Variants in CEP112 observed in about 807,000 individuals in gnomAD.
The protein encoded by CEP112 is centrosomal protein 112.
Under a neutral mutation model 153.0 loss-of-function variants are expected in CEP112, and 127 were observed. That is an observed-to-expected ratio of 0.83 (90% CI 0.72 to 0.96). The LOEUF is 0.96. CEP112 is among the 40% of genes least tolerant of loss of function. The pLI, the probability that CEP112 is intolerant of heterozygous loss-of-function variation, is 0.00. For missense variants in CEP112, 1,089 were observed against 1,101.2 expected, an observed-to-expected ratio of 0.99 and a Z score of 0.16; for synonymous variants, 358 against 374.4, an observed-to-expected ratio of 0.96 and a Z score of 0.51.
intron 1 of CEP112, among the ~76,000 whole-genome samples, chr17:66,190,381 T>G (rs1409955781): frequency 1.3e-5 from 2 of 152,120 alleles, no homozygotes; most frequent in South Asian, 4.1e-4. Context: ...AAATTGTATC[T>G]AAGTTCCAAC....
intron 4 of CEP112, among the ~76,000 whole-genome samples, chr17:66,161,322 C>G (rs1181745966): frequency 6.6e-6 from 1 of 152,130 alleles, no homozygotes; most frequent in Non-Finnish European, 1.5e-5. Flanking sequence ...ACCTAGTAAT[C>G]TCATTACTGG....
intron 2 of CEP112, 110 bp downstream of exon 2, chr17:66,183,084 G>A: frequency 2.8e-6 from 2 of 712,764 alleles, no homozygotes; most frequent in South Asian, 4.4e-5. Context: ...GGCAAAAATT[G>A]TTACTAGAGA....
At chr17:66,018,033 A>G (rs373294634) in intron 16 of CEP112, among the ~76,000 whole-genome samples, 3 of 152,152 alleles carry the variant, frequency 2.0e-5, no homozygotes, top group Non-Finnish European at 2.9e-5. Context: ...TTGTACCTAA[A>G]AGAAAATTAA....
chr17:65,888,321 C>G (rs2059353832), intron 20 of CEP112, among the ~76,000 whole-genome samples: 1 of 152,186 alleles, frequency 6.6e-6, no homozygotes, highest in Admixed American at 6.5e-5. Flanking sequence ...TAGCCTTTAT[C>G]CTACTTATCA....
At chr17:65,792,634 T>TTAGA (rs1277414725) in intron 21 of CEP112, among the ~76,000 whole-genome samples, 3 of 151,882 alleles carry the variant, frequency 2.0e-5, no homozygotes. Flanking sequence ...AAAGCAGAGA[T>TTAGA]TAGATAATTA....
intron 20 of CEP112, among the ~76,000 whole-genome samples, chr17:65,881,015 G>A (rs569120415): frequency 3.1e-4 from 47 of 152,160 alleles, no homozygotes; most frequent in Non-Finnish European, 5.3e-4. Context: ...AGGAGATCCA[G>A]ACCATCCTGG....
At chr17:65,969,917 C>A (rs559708296) in intron 17 of CEP112, among the ~76,000 whole-genome samples, 5 of 150,640 alleles carry the variant, frequency 3.3e-5, no homozygotes, top group African/African-American at 1.2e-4. Context: ...ATATTACATG[C>A]ATATCACATG....
At chr17:66,016,309 A>G (rs532414030) in intron 16 of CEP112, among the ~76,000 whole-genome samples, 1 of 152,164 alleles carries the variant, frequency 6.6e-6, no homozygotes, top group Non-Finnish European at 1.5e-5. Flanking sequence ...ATTCTTGAAC[A>G]CCGTACACCA....
intron 4 of CEP112, among the ~76,000 whole-genome samples, chr17:66,144,187 AACC>A (rs1330283906): frequency 2.0e-5 from 3 of 152,228 alleles, no homozygotes; most frequent in African/African-American, 7.2e-5. Context: ...ACACCTGTGT[AACC>A]ACAATAAATA....
At chr17:66,157,236 A>G (rs1470694910) in intron 4 of CEP112, among the ~76,000 whole-genome samples, 2 of 152,230 alleles carry the variant, frequency 1.3e-5, no homozygotes, top group Non-Finnish European at 2.9e-5. Context: ...ACATTCTTAA[A>G]GAAAAGAATT....
chr17:65,758,081 G>A (rs900105953), intron 21 of CEP112, among the ~76,000 whole-genome samples: 1 of 152,122 alleles, frequency 6.6e-6, no homozygotes, highest in Non-Finnish European at 1.5e-5. Context: ...GGATCCCTCA[G>A]CATCGCAAGT....
chr17:66,132,850 T>C (rs2070254815), intron 4 of CEP112, 87 bp from the exon 5 acceptor site: 1 of 906,444 alleles, frequency 1.1e-6, no homozygotes, highest in African/African-American at 1.6e-5. Flanking sequence ...TTCTTTCCCT[T>C]GGAACTGAGA....
At chr17:66,066,928 G>A in intron 9 of CEP112, 51 bp from the exon 10 acceptor site, 1 of 1,176,394 alleles carries the variant, frequency 8.5e-7, no homozygotes, top group Non-Finnish European at 1.1e-6. Flanking sequence ...TTACATATAG[G>A]ACACTTTTTT....
chr17:65,821,574 C>T (rs1427140442), intron 21 of CEP112, among the ~76,000 whole-genome samples: 13 of 89,976 alleles, frequency 1.4e-4, no homozygotes, highest in Non-Finnish European at 2.4e-4. Flanking sequence ...TTTTCTGAGA[C>T]GGAGTCTTGC....
intron 23 of CEP112, among the ~76,000 whole-genome samples, chr17:65,717,755 C>T (rs2049617277): frequency 6.6e-6 from 1 of 152,172 alleles, no homozygotes; most frequent in Non-Finnish European, 1.5e-5. Flanking sequence ...GGAAAGCCAG[C>T]AGGTAGAGAA....
intron 24 of CEP112, among the ~76,000 whole-genome samples, chr17:65,647,231 T>C (rs1598182200): frequency 1.4e-5 from 2 of 146,332 alleles, no homozygotes; most frequent in East Asian, 4.2e-4. Context: ...TGGAGTGCAA[T>C]GGCGCGATCT....
chr17:65,683,295 A>G (rs2047617518), intron 24 of CEP112, among the ~76,000 whole-genome samples: 3 of 152,248 alleles, frequency 2.0e-5, no homozygotes, highest in Admixed American at 2.0e-4. Context: ...CTGTGATCGA[A>G]ATGTTAAAGT....
rs149386493 is a variant in CEP112, at chr17:65,982,500, A to G, written c.1737-20902T>C. 3.9e-5 allele frequency among the ~76,000 whole-genome samples: 6 copies of G among 152,328 alleles called. No homozygotes were observed. The East Asian group carries it at 1.2e-3, about 29-fold the overall frequency. On this transcript the variant is annotated intron_variant, in intron 17 of 26. Transcript: ENST00000535342. Reference sequence around the variant, plus strand: ...ACTGATGGTTTGAATTCTTGAACAGACTAGCCCACTAGAAAAACATATTTT... The same window carrying G: ...ACTGATGGTTTGAATTCTTGAACAGGCTAGCCCACTAGAAAAACATATTTT...
At chr17:65,688,029 T>G (rs550227002) in intron 24 of CEP112, among the ~76,000 whole-genome samples, 1 of 152,338 alleles carries the variant, frequency 6.6e-6, no homozygotes, top group African/African-American at 2.4e-5. Flanking sequence ...TAGTGATACA[T>G]GTTGACTTTT....
Sources: gnomAD v4.1 joint callset for allele counts (sites outside exome capture counted in the v4.1 genomes callset) on GRCh38, gnomAD v4.1.1 for gene constraint, MANE v1.5 for transcripts, NCBI Gene and HGNC (gene_info 2026-07-23, HGNC 2026-07-21) for gene names.